The following PDZRN4 variants were observed in gnomAD, a reference collection of about 807,000 sequenced individuals.
PDZRN4 encodes the protein PDZ domain containing ring finger 4, also known as PDZ domain-containing RING finger protein 4.
Under a neutral mutation model 99.0 loss-of-function variants are expected in PDZRN4, and 70 were observed. The ratio of observed to expected loss-of-function variants is 0.71; its 90% CI spans 0.58 to 0.86. The LOEUF (loss-of-function observed/expected upper bound fraction) is 0.86. Ranked by LOEUF, PDZRN4 falls within the 40% of genes least tolerant of loss-of-function variation. The pLI is 0.00. For missense variants in PDZRN4, 1,474 were observed against 1,331.2 expected (o/e 1.11, Z -1.67); for synonymous variants, 551 against 501.6 (o/e 1.10, Z -1.32).
chr12:41,567,701 G>T, intron 8 of PDZRN4, 82 bp from the exon 9 acceptor site: 1 of 700,652 alleles, frequency 1.4e-6, no homozygotes, highest in Non-Finnish European at 2.3e-6. Flanking sequence ...GGAACTCGTC[G>T]GGCACCGGCC....
intron 5 of PDZRN4, among the ~76,000 whole-genome samples, chr12:41,519,216 T>C (rs1938451988): frequency 6.6e-6 from 1 of 152,078 alleles, no homozygotes; most frequent in Non-Finnish European, 1.5e-5. Flanking sequence ...GCCCCAAATC[T>C]GCTTGTTCTT....
intron 3 of PDZRN4, among the ~76,000 whole-genome samples, chr12:41,282,654 G>T (rs1951395661): frequency 1.3e-5 from 2 of 152,054 alleles, no homozygotes; most frequent in Admixed American, 6.5e-5. Flanking sequence ...CAAAAGAACG[G>T]AAATCAAAAC....
chr12:41,284,106 A>C (rs1012459209), intron 3 of PDZRN4, among the ~76,000 whole-genome samples: 13 of 152,224 alleles, frequency 8.5e-5, no homozygotes, highest in Admixed American at 3.9e-4. Flanking sequence ...ATATTTAGGA[A>C]ACCCCATTGT....
chr12:41,191,686 T>C (rs900518374), intron 2 of PDZRN4, 142 bp downstream of exon 2: 23 of 492,504 alleles, frequency 4.7e-5, no homozygotes, highest in Non-Finnish European at 7.4e-5. Flanking sequence ...ATCTTTAAAA[T>C]TATACTTGTG....
intron 9 of PDZRN4, among the ~76,000 whole-genome samples, chr12:41,571,187 A>G (rs923851525): frequency 1.2e-4 from 19 of 152,116 alleles, no homozygotes; most frequent in African/African-American, 4.3e-4. Context: ...TAAGGCAGAT[A>G]TAACCTAGAA....
At chr12:41,279,051 G>T (rs12317394) in intron 3 of PDZRN4, among the ~76,000 whole-genome samples, 20,816 of 152,090 alleles carry the variant, frequency 0.14, 2,203 homozygotes, top group African/African-American at 0.29. Context: ...TAAAAATAAC[G>T]ATGTGCTAGG....
At chr12:41,242,771 C>T (rs1209306376) in intron 3 of PDZRN4, among the ~76,000 whole-genome samples, 1 of 152,088 alleles carries the variant, frequency 6.6e-6, no homozygotes, top group Admixed American at 6.6e-5. Context: ...CATGACTTTC[C>T]CTTAACACGT....
chr12:41,503,106 T>C (rs920330367), intron 3 of PDZRN4, among the ~76,000 whole-genome samples: 1 of 152,104 alleles, frequency 6.6e-6, no homozygotes, highest in Non-Finnish European at 1.5e-5. Context: ...AGTATGTTGA[T>C]GAACTTCAAG....
intron 3 of PDZRN4, among the ~76,000 whole-genome samples, chr12:41,276,817 A>G (rs1192843341): frequency 6.6e-6 from 1 of 152,176 alleles, no homozygotes; most frequent in Admixed American, 6.6e-5. Context: ...AGCTACTCTT[A>G]TTATCTATCT....
intron 3 of PDZRN4, among the ~76,000 whole-genome samples, chr12:41,302,973 C>G (rs926830565): frequency 6.6e-6 from 1 of 151,810 alleles, no homozygotes; most frequent in African/African-American, 2.4e-5. Flanking sequence ...CTCACACACA[C>G]ACAAACATAC....
At chr12:41,392,538 G>A (rs994521887) in intron 3 of PDZRN4, among the ~76,000 whole-genome samples, 4 of 152,124 alleles carry the variant, frequency 2.6e-5, no homozygotes, top group Non-Finnish European at 5.9e-5. Flanking sequence ...ACCAGAGTAT[G>A]ATATGTGTAT....
At chr12:41,557,148 C>CAAAAAAA (rs112787721) in intron 7 of PDZRN4, among the ~76,000 whole-genome samples, 38 of 58,018 alleles carry the variant, frequency 6.5e-4, no homozygotes, top group African/African-American at 7.9e-4. Flanking sequence ...GAGACACTCT[C>CAAAAAAA]AAAAAAAAAA....
At chr12:41,247,237 T>G (rs529208181) in intron 3 of PDZRN4, among the ~76,000 whole-genome samples, 127 of 152,302 alleles carry the variant, frequency 8.3e-4, no homozygotes, top group African/African-American at 2.9e-3. Flanking sequence ...AAGAGAACTC[T>G]GGAAGTAAGA....
chr12:41,395,859 A>C (rs1952242529), intron 3 of PDZRN4, among the ~76,000 whole-genome samples: 1 of 152,136 alleles, frequency 6.6e-6, no homozygotes, highest in African/African-American at 2.4e-5. Context: ...CTGAGATCTT[A>C]ATTAAAAATT....
chr12:41,229,238 G>A (rs924776119), intron 3 of PDZRN4, among the ~76,000 whole-genome samples: 3 of 151,712 alleles, frequency 2.0e-5, no homozygotes, highest in South Asian at 2.1e-4. Flanking sequence ...AATGGACCAC[G>A]CAAAATATGA....
chr12:41,243,396 A>T (rs867435597), intron 3 of PDZRN4, among the ~76,000 whole-genome samples: 1 of 152,240 alleles, frequency 6.6e-6, no homozygotes, highest in Non-Finnish European at 1.5e-5. Flanking sequence ...AAGTTCAGTC[A>T]GTTAAACAAG....
intron 3 of PDZRN4, among the ~76,000 whole-genome samples, chr12:41,489,015 A>T (rs1427341868): frequency 6.6e-6 from 1 of 152,188 alleles, no homozygotes; most frequent in Non-Finnish European, 1.5e-5. Flanking sequence ...ACAGCTTTGA[A>T]AGTGGCCCAT....
intron 3 of PDZRN4, among the ~76,000 whole-genome samples, chr12:41,338,077 A>C (rs1377699411): frequency 6.6e-6 from 1 of 152,070 alleles, no homozygotes; most frequent in Non-Finnish European, 1.5e-5. Flanking sequence ...CTGTCTTTGT[A>C]GTTGCTTGCT....
intron 3 of PDZRN4, among the ~76,000 whole-genome samples, chr12:41,446,636 A>G (rs1050635922): frequency 6.6e-6 from 1 of 152,038 alleles, no homozygotes; most frequent in Non-Finnish European, 1.5e-5. Context: ...ATAGTAACAC[A>G]GGACACAAAA....
Sources: allele counts gnomAD v4.1 joint callset (sites outside exome capture counted in the v4.1 genomes callset), GRCh38; gene constraint gnomAD v4.1.1; transcripts MANE v1.5; gene names NCBI Gene and HGNC (gene_info 2026-07-23, HGNC 2026-07-21).